SAMMSON: variants seen among roughly 807,000 people sequenced by gnomAD.
The protein encoded by SAMMSON is long intergenic non-protein coding RNA 1212.
chr3:70,043,640 G>A (rs1055177147), intron 3 of SAMMSON, among the ~76,000 whole-genome samples: 3 of 151,990 alleles, frequency 2.0e-5, no homozygotes, highest in African/African-American at 4.8e-5. Context: ...CTGACCTGGG[G>A]TAGTTTTTAA....
chr3:70,201,223 T>A (rs11707366), intron 4 of SAMMSON, among the ~76,000 whole-genome samples: 1 of 151,766 alleles, frequency 6.6e-6, no homozygotes, highest in African/African-American at 2.4e-5. Flanking sequence ...ATAAGCCCCA[T>A]TGTGTGTCGT....
chr3:70,193,710 G>A (rs1213337375), intron 4 of SAMMSON, among the ~76,000 whole-genome samples: 1 of 152,136 alleles, frequency 6.6e-6, no homozygotes, highest in African/African-American at 2.4e-5. Flanking sequence ...TGGACTGAGG[G>A]AACTTAGTAT....
intron 3 of SAMMSON, among the ~76,000 whole-genome samples, chr3:70,023,016 A>G (rs1028695371): frequency 5.9e-5 from 9 of 152,218 alleles, no homozygotes; most frequent in Non-Finnish European, 1.2e-4. Flanking sequence ...CTATTAATAC[A>G]GTATTCCACT....
At chr3:70,425,434 C>T (rs901997823) in intron 2 of SAMMSON, among the ~76,000 whole-genome samples, 1 of 149,370 alleles carries the variant, frequency 6.7e-6, no homozygotes, top group African/African-American at 2.5e-5. Context: ...TTTATTGAGT[C>T]GGAGTCTCAC....
intron 2 of SAMMSON, among the ~76,000 whole-genome samples, chr3:70,427,937 A>G (rs533085714): frequency 5.9e-5 from 9 of 152,298 alleles, no homozygotes; most frequent in African/African-American, 1.9e-4. Flanking sequence ...TTGTATTTCT[A>G]TATACTAACA....
intron 4 of SAMMSON, among the ~76,000 whole-genome samples, chr3:70,107,663 A>T (rs1373358226): frequency 6.6e-6 from 1 of 150,784 alleles, no homozygotes; most frequent in Non-Finnish European, 1.5e-5. Flanking sequence ...TCCTTCTCAA[A>T]TTTCTTTTGG....
chr3:70,399,158 G>T (rs548244906), intron 2 of SAMMSON, among the ~76,000 whole-genome samples: 7 of 152,174 alleles, frequency 4.6e-5, no homozygotes, highest in African/African-American at 1.7e-4. Context: ...TTCTCCTTTT[G>T]CTGGTTGGCA....
intron 6 of SAMMSON, among the ~76,000 whole-genome samples, chr3:70,267,103 G>A (rs1476350687): frequency 2.0e-5 from 3 of 152,272 alleles, no homozygotes; most frequent in South Asian, 2.1e-4. Context: ...TGCTAGCTGG[G>A]GAGGGGGTGG....
At position 70,183,584 on chromosome 3, in the gene SAMMSON, T is replaced by A. The variant is rs181007593; in HGVS notation, n.508-65523T>A. 6.5e-4 allele frequency: 99 copies of A among 152,310 alleles called. 1 individual carries two copies. Among genetic ancestry groups the A allele is most frequent in the Admixed American group, 1.6e-3 (25 of 15,296 alleles). The allele number at this position is 152,310 out of a possible 1,614,324, so 9.4% of individuals were successfully genotyped here. A position where few individuals can be genotyped will look rare whatever the true frequency, so the allele number is the denominator to read the frequency against. ...CCTCTGACTTAACTAATTATTTAATTTGGAAGTTATAGGTTTTTTATTACT... is the reference window on the plus strand; with the variant it reads ...CCTCTGACTTAACTAATTATTTAATATGGAAGTTATAGGTTTTTTATTACT... On this transcript the variant is annotated intron_variant and non_coding_transcript_variant, in intron 4 of 9. Transcript: ENST00000642114.
At chr3:70,018,337 T>C (rs1057194528) in intron 3 of SAMMSON, among the ~76,000 whole-genome samples, 2 of 152,226 alleles carry the variant, frequency 1.3e-5, no homozygotes, top group Non-Finnish European at 2.9e-5. Flanking sequence ...GAGGAATTTA[T>C]CCATTTCTTC....
intron 9 of SAMMSON, among the ~76,000 whole-genome samples, chr3:70,360,002 T>C (rs1164862492): frequency 2.0e-5 from 3 of 152,116 alleles, no homozygotes; most frequent in Non-Finnish European, 4.4e-5. Context: ...AAATCCTTCA[T>C]CTGAGGAATT....
intron 2 of SAMMSON, among the ~76,000 whole-genome samples, chr3:70,410,948 T>C (rs1324863680): frequency 6.6e-6 from 1 of 152,218 alleles, no homozygotes; most frequent in Non-Finnish European, 1.5e-5. Flanking sequence ...TTACCACCTA[T>C]TGGGCTGTAT....
At chr3:70,294,200 A>G (rs1230125747) in intron 7 of SAMMSON, among the ~76,000 whole-genome samples, 1 of 152,170 alleles carries the variant, frequency 6.6e-6, no homozygotes, top group Non-Finnish European at 1.5e-5. Flanking sequence ...TTTTCTGTAG[A>G]ATGAAAAACT....
chr3:70,134,185 G>A (rs1276986501), intron 4 of SAMMSON, among the ~76,000 whole-genome samples: 2 of 151,374 alleles, frequency 1.3e-5, no homozygotes, highest in Non-Finnish European at 1.5e-5. Flanking sequence ...GTTTGAATCC[G>A]GGAGACGGAG....
intron 2 of SAMMSON, among the ~76,000 whole-genome samples, chr3:70,418,400 T>C (rs1254428154): frequency 6.6e-6 from 1 of 152,230 alleles, no homozygotes; most frequent in Non-Finnish European, 1.5e-5. Flanking sequence ...ACTTATGTAT[T>C]ATCTCGGAAT....
intron 2 of SAMMSON, among the ~76,000 whole-genome samples, chr3:70,404,650 C>A (rs1470047456): frequency 6.6e-6 from 1 of 152,138 alleles, no homozygotes; most frequent in African/African-American, 2.4e-5. Flanking sequence ...AAACAACCAG[C>A]ATTTAAAAAA....
chr3:70,317,284 C>T (rs897106539), intron 7 of SAMMSON, among the ~76,000 whole-genome samples: 1 of 151,934 alleles, frequency 6.6e-6, no homozygotes, highest in African/African-American at 2.4e-5. Context: ...TTGTTTCCTA[C>T]AAATTGAAGG....
At chr3:70,404,702 A>G (rs1056161514) in intron 2 of SAMMSON, among the ~76,000 whole-genome samples, 7 of 152,170 alleles carry the variant, frequency 4.6e-5, no homozygotes, top group Non-Finnish European at 1.0e-4. Context: ...GCACAAGACT[A>G]TAATCCCTGA....
intron 4 of SAMMSON, among the ~76,000 whole-genome samples, chr3:70,094,154 G>T (rs573205656): frequency 3.9e-5 from 6 of 152,058 alleles, no homozygotes; most frequent in African/African-American, 1.4e-4. Flanking sequence ...ACCTTCCCTT[G>T]CCCAATCACT....
Sources: allele counts gnomAD v4.1 joint callset (sites outside exome capture counted in the v4.1 genomes callset), GRCh38; gene constraint gnomAD v4.1.1; transcripts MANE v1.5; gene names NCBI Gene and HGNC (gene_info 2026-07-23, HGNC 2026-07-21).